The following SGCZ variants were observed in gnomAD, a reference collection of about 807,000 sequenced individuals.
SGCZ encodes zeta-sarcoglycan.
A neutral mutation model predicts 41.3 loss-of-function variants in SGCZ; 40 were observed. That is an observed-to-expected ratio of 0.97 (90% confidence interval 0.75 to 1.26). The LOEUF is 1.26. SGCZ is among the 50% of genes most tolerant of loss of function. SGCZ has a pLI of 0.00. For synonymous variants in SGCZ, 206 were observed against 137.5 expected (o/e 1.50, Z -3.49); for missense variants, 552 against 369.8 (o/e 1.49, Z -4.04).
chr8:14,299,117 T>C (rs1195665217), intron 3 of SGCZ, among the ~76,000 whole-genome samples: 1 of 151,574 alleles, frequency 6.6e-6, no homozygotes. Flanking sequence ...ACAAATGGAG[T>C]TGAGTATGGA....
At chr8:14,227,190 G>C (rs574987336) in intron 4 of SGCZ, among the ~76,000 whole-genome samples, 2 of 152,186 alleles carry the variant, frequency 1.3e-5, no homozygotes, top group South Asian at 4.1e-4. Context: ...TGGCAGGCTG[G>C]TCTCTGAATT....
At chr8:14,682,995 C>T (rs1356834454) in intron 1 of SGCZ, among the ~76,000 whole-genome samples, 1 of 152,020 alleles carries the variant, frequency 6.6e-6, no homozygotes, top group Non-Finnish European at 1.5e-5. Context: ...TAGAAGATGA[C>T]CAGATAACGC....
At position 14,820,277 on chromosome 8, in the gene SGCZ, A is replaced by G. The variant is rs541275926; in HGVS notation, c.40-265351T>C. ...TCAGAGACTGAAGAGACATCATTAT[A>G]CAATGAAAATGGGATCAATTCAATA... On this transcript the variant is annotated intron_variant, in intron 1 of 7. Coordinates refer to ENST00000382080, the MANE Select transcript of SGCZ (RefSeq NM_139167.4). Among the ~76,000 whole-genome samples the G allele has an allele frequency of 2.6e-5, 4 of 152,204 alleles. No individual in the cohort carries two copies. In the South Asian group the frequency reaches 6.2e-4, roughly 24 times the overall value.
intron 1 of SGCZ, among the ~76,000 whole-genome samples, chr8:15,193,439 T>C (rs1349382478): frequency 6.6e-6 from 1 of 152,058 alleles, no homozygotes; most frequent in Non-Finnish European, 1.5e-5. Context: ...AATCACTGTT[T>C]TAAGCAATTC....
At chr8:14,847,160 A>AAGAAGG (rs1803155169) in intron 1 of SGCZ, among the ~76,000 whole-genome samples, 2 of 151,182 alleles carry the variant, frequency 1.3e-5, no homozygotes, top group African/African-American at 2.4e-5. Context: ...GAAGAAGAAG[A>AAGAAGG]AGAAGAAGAA....
chr8:14,518,750 C>T (rs1802699880), intron 2 of SGCZ, among the ~76,000 whole-genome samples: 1 of 151,528 alleles, frequency 6.6e-6, no homozygotes, highest in African/African-American at 2.4e-5. Context: ...TATCACCCAT[C>T]AAGATTAGAT....
chr8:14,108,149 G>C lies in SGCZ; in HGVS notation c.620+14C>G. 3 of 1,613,654 alleles carry C rather than the reference G, an allele frequency of 1.9e-6. No individual in the cohort carries two copies. Among genetic ancestry groups the C allele is most frequent in the Non-Finnish European group, 2.5e-6 (3 of 1,179,666 alleles). On this transcript the variant is annotated intron_variant, in intron 6 of 7. Transcript: ENST00000382080. The stretch of plus-strand genomic sequence containing the variant: ...GATGGATTTTATGCCACAGGTATAA[G>C]AGGAAGCCCTTACCTGAGATCTTGG...
At chr8:14,833,130 T>C in intron 1 of SGCZ, among the ~76,000 whole-genome samples, 1 of 152,314 alleles carries the variant, frequency 6.6e-6, no homozygotes, top group African/African-American at 2.4e-5. Flanking sequence ...AAGAACACTT[T>C]ATTCCATTAC....
chr8:14,996,161 C>T (rs377527274), intron 1 of SGCZ, among the ~76,000 whole-genome samples: 1 of 152,132 alleles, frequency 6.6e-6, no homozygotes, highest in East Asian at 1.9e-4. Flanking sequence ...CCTCAACCTC[C>T]CAAAGCACTG....
chr8:15,196,449 A>C (rs1447358639), intron 1 of SGCZ, among the ~76,000 whole-genome samples: 1 of 152,178 alleles, frequency 6.6e-6, no homozygotes, highest in Non-Finnish European at 1.5e-5. Flanking sequence ...AATACATGAA[A>C]TGTTATCATC....
chr8:15,210,187 C>T (rs973839564), intron 1 of SGCZ, among the ~76,000 whole-genome samples: 4 of 152,116 alleles, frequency 2.6e-5, no homozygotes, highest in Non-Finnish European at 5.9e-5. Flanking sequence ...CTACCATCAT[C>T]GAGCTGCAGA....
intron 2 of SGCZ, among the ~76,000 whole-genome samples, chr8:14,388,791 C>T (rs1210856012): frequency 6.7e-6 from 1 of 149,202 alleles, no homozygotes; most frequent in African/African-American, 2.5e-5. Context: ...AAAAAACCTG[C>T]ATATGTACTC....
At chr8:14,697,690 T>C (rs1266852359) in intron 1 of SGCZ, among the ~76,000 whole-genome samples, 6 of 151,988 alleles carry the variant, frequency 3.9e-5, no homozygotes, top group Non-Finnish European at 8.8e-5. Context: ...CATTGCCAAT[T>C]ATCTTCCTCT....
At chr8:14,381,149 A>T (rs1193280802) in intron 2 of SGCZ, among the ~76,000 whole-genome samples, 2 of 152,244 alleles carry the variant, frequency 1.3e-5, no homozygotes, top group African/African-American at 4.8e-5. Flanking sequence ...AAAGATACAA[A>T]GGATTTAGAT....
At chr8:14,475,124 G>A (rs17243431) in intron 2 of SGCZ, among the ~76,000 whole-genome samples, 17,256 of 152,024 alleles carry the variant, frequency 0.11, 1,255 homozygotes, top group Admixed American at 0.19. Flanking sequence ...TCTAAACATT[G>A]TAACACAAAG....
intron 1 of SGCZ, among the ~76,000 whole-genome samples, chr8:14,616,430 C>G (rs548164738): frequency 6.6e-6 from 1 of 152,190 alleles, no homozygotes; most frequent in Non-Finnish European, 1.5e-5. Flanking sequence ...CCTATAATTA[C>G]TCTATTTTTG....
At chr8:14,860,121 A>C (rs1336877274) in intron 1 of SGCZ, among the ~76,000 whole-genome samples, 1 of 152,158 alleles carries the variant, frequency 6.6e-6, no homozygotes, top group Non-Finnish European at 1.5e-5. Context: ...TGGCTGTGGT[A>C]CACATACAGA....
chr8:14,626,395 T>C (rs1015314490), intron 1 of SGCZ, among the ~76,000 whole-genome samples: 5 of 152,084 alleles, frequency 3.3e-5, no homozygotes, highest in African/African-American at 9.7e-5. Context: ...TTCTCTCTCC[T>C]CCTACTTTTA....
At chr8:14,648,988 C>T (rs1012033752) in intron 1 of SGCZ, among the ~76,000 whole-genome samples, 18 of 152,018 alleles carry the variant, frequency 1.2e-4, no homozygotes, top group African/African-American at 4.1e-4. Context: ...AACATTTATA[C>T]TTTTTCCCCC....
Sources: allele counts gnomAD v4.1 joint callset (sites outside exome capture counted in the v4.1 genomes callset), GRCh38; gene constraint gnomAD v4.1.1; transcripts MANE v1.5; gene names NCBI Gene and HGNC (gene_info 2026-07-23, HGNC 2026-07-21).